Variants in PYGO1 observed in about 807,000 individuals in gnomAD.
PYGO1 encodes pygopus homolog 1.
In PYGO1, 6 loss-of-function variants were observed where a neutral mutation model predicts 29.5. The ratio of observed to expected loss-of-function variants is 0.20; its 90% CI spans 0.11 to 0.40. The LOEUF (loss-of-function observed/expected upper bound fraction) is 0.40, where lower values mean the gene tolerates loss of function less well. Among genes scored for constraint, PYGO1 ranks in the 10% least tolerant of loss-of-function variants. PYGO1 has a pLI of 1.00. For missense variants in PYGO1, 515 were observed against 514.9 expected (o/e 1.00, Z 0.00); for synonymous variants, 186 against 180.5 (o/e 1.03, Z -0.24).
At position 55,546,197 on chromosome 15, in the gene PYGO1, A is replaced by G. The variant is rs2058849118; in HGVS notation, c.1086T>C (p.Ser362=). The stretch of plus-strand genomic sequence containing the variant: ...AGATCCGATGAAACCATTTCTGACA[A>G]GAGGCCTCACATAAGATGGCATCCT... The part of the protein sequence containing the change: ...DDQDAILCEA[S]CQKWFHRICT... Residue 362 remains serine, a synonymous_variant, in exon 3 of 3, where the codon TCT becomes TCC. Transcript: ENST00000563719. The G allele has an allele frequency of 1.9e-6, 3 of 1,614,088 alleles. No individual in the cohort carries two copies. The highest frequency in any genetic ancestry group is 2.5e-6 in the Non-Finnish European group (3 of 1,180,036).
At chr15:55,572,891 A>T (rs1214963728) in intron 1 of PYGO1, among the ~76,000 whole-genome samples, 1 of 151,964 alleles carries the variant, frequency 6.6e-6, no homozygotes, top group Non-Finnish European at 1.5e-5. Context: ...AAATAAATAA[A>T]GCCAGGTGTG....
intron 1 of PYGO1, among the ~76,000 whole-genome samples, chr15:55,559,811 C>A (rs977545132): frequency 6.6e-6 from 1 of 152,152 alleles, no homozygotes; most frequent in Non-Finnish European, 1.5e-5. Context: ...CAAACCAAAT[C>A]CAGCAGCACA....
In PYGO1 at chr15:55,544,458, T is replaced by C. The variant is rs932623777; in HGVS notation, c.*1565A>G. The C allele has an allele frequency of 2.0e-5, 3 of 152,190 alleles. No homozygotes were observed. The highest frequency in any genetic ancestry group is 2.9e-5 in the Non-Finnish European group (2 of 68,036). The allele number at this position is 152,190 out of a possible 1,614,324, so 9.4% of individuals were successfully genotyped here. On this transcript the variant is annotated 3_prime_UTR_variant, in exon 3 of 3. Coordinates refer to ENST00000563719, the MANE Select transcript of PYGO1 (RefSeq NM_001367806.1). ...CTAAAATGGACATGACAAAATTTCA[T>C]AGCCCAAGTCACTTAACTTTGCTTT...
intron 1 of PYGO1, among the ~76,000 whole-genome samples, chr15:55,568,452 G>A (rs2058966758): frequency 6.6e-6 from 1 of 151,438 alleles, no homozygotes; most frequent in Non-Finnish European, 1.5e-5. Context: ...CGTTGATTTT[G>A]TATCTTGAAA....
intron 1 of PYGO1, among the ~76,000 whole-genome samples, chr15:55,559,399 A>G (rs1364630145): frequency 6.6e-6 from 1 of 152,148 alleles, no homozygotes; most frequent in African/African-American, 2.4e-5. Context: ...AAACTAGTTC[A>G]ACCATTGTGG....
chr15:55,579,179 G>A (rs2059015970), intron 1 of PYGO1, among the ~76,000 whole-genome samples: 1 of 152,034 alleles, frequency 6.6e-6, no homozygotes, highest in South Asian at 2.1e-4. Context: ...ATAAAATGAT[G>A]ATTGCAGATT....
chr15:55,588,606 T>C (rs1175930328), upstream of PYGO1, among the ~76,000 whole-genome samples: 2 of 148,952 alleles, frequency 1.3e-5, no homozygotes, highest in African/African-American at 4.9e-5. Context: ...GCAGCCCGGG[T>C]GGGCAGCGCG....
chr15:55,588,134 G>A lies in PYGO1; in HGVS notation c.-251C>T, dbSNP rs1595998812. The A allele has an allele frequency of 4.0e-5, 32 of 801,892 alleles. No homozygotes were observed. In the South Asian group the frequency reaches 4.5e-4, roughly 11 times the overall value. 49.7% of individuals were successfully genotyped at this position (801,892 alleles called of 1,614,324 possible). On this transcript the variant is annotated 5_prime_UTR_variant, in exon 1 of 3. Coordinates refer to ENST00000563719, the MANE Select transcript of PYGO1 (RefSeq NM_001367806.1). ...GCTCAGCGGCGGTGGCCGGGAGCGC[G>A]GCCTGGGGGCGGCCCCCCACCCGGG...
At position 55,541,192 on chromosome 15, in the gene PYGO1, C is replaced by T. The variant is rs559734106; in HGVS notation, c.*4831G>A. 2.6e-4 allele frequency: 40 copies of T among 152,282 alleles called. No individual in the cohort carries two copies. Among genetic ancestry groups the T allele is most frequent in the African/African-American group, 8.9e-4 (37 of 41,554 alleles). The allele number at this position is 152,282 out of a possible 1,614,324, so 9.4% of individuals were successfully genotyped here. Reference sequence around the variant, plus strand: ...ATGGCCACAGTCTTTCCTTCATTTCCCCTATACCACTTGTCTTGGGAGATG... The same window carrying T: ...ATGGCCACAGTCTTTCCTTCATTTCTCCTATACCACTTGTCTTGGGAGATG... On this transcript the variant is annotated 3_prime_UTR_variant, in exon 3 of 3. Coordinates refer to ENST00000563719, the MANE Select transcript of PYGO1 (RefSeq NM_001367806.1).
intron 1 of PYGO1, among the ~76,000 whole-genome samples, chr15:55,578,913 T>A (rs2059014946): frequency 1.3e-5 from 2 of 152,216 alleles, no homozygotes; most frequent in African/African-American, 4.8e-5. Context: ...ACCTCTAAGA[T>A]ACTAGTTGCC....
intron 1 of PYGO1, among the ~76,000 whole-genome samples, chr15:55,568,543 G>T (rs564018562): frequency 3.3e-5 from 5 of 152,220 alleles, no homozygotes; most frequent in African/African-American, 1.2e-4. Context: ...CATATTGTCA[G>T]CAAAGAGAAA....
chr15:55,587,563 G>T (rs1208355042), intron 1 of PYGO1, among the ~76,000 whole-genome samples: 1 of 151,930 alleles, frequency 6.6e-6, no homozygotes, highest in Non-Finnish European at 1.5e-5. Context: ...AGGAGAGGTG[G>T]GTGAGGAGGG....
chr15:55,574,079 G>A (rs904220747), intron 1 of PYGO1, among the ~76,000 whole-genome samples: 4 of 152,114 alleles, frequency 2.6e-5, no homozygotes, highest in African/African-American at 4.8e-5. Flanking sequence ...ATCACTAGTG[G>A]CACTTTATAT....
chr15:55,550,197 T>C (rs1270750451), intron 1 of PYGO1, among the ~76,000 whole-genome samples: 1 of 152,092 alleles, frequency 6.6e-6, no homozygotes, highest in Non-Finnish European at 1.5e-5. Context: ...CTCCATCCTG[T>C]TTTTTCCTTG....
chr15:55,575,897 G>A (rs191184306), intron 1 of PYGO1, among the ~76,000 whole-genome samples: 23 of 152,256 alleles, frequency 1.5e-4, no homozygotes, highest in Non-Finnish European at 3.1e-4. Flanking sequence ...CTCTGAGTTT[G>A]TACAATTTAA....
rs745699185 is a variant in PYGO1 at position 55,546,476 on chromosome 15, A to G, written c.807T>C (p.Ser269=). Residue 269 remains serine (S), a synonymous_variant, in exon 3 of 3, where the codon AGT becomes AGC. Coordinates refer to ENST00000563719, the MANE Select transcript of PYGO1 (RefSeq NM_001367806.1). ...GATTAACATTTTTTAATTCAATATT[A>G]CTCTGATTCACTGTGTCATCCATAT... is the stretch of plus-strand genomic sequence containing the variant. ...HLNMDDTVNQ[S]NIELKNVNRN... is the part of the protein sequence containing the mutation. 5 of 1,613,994 alleles carry G rather than the reference A, an allele frequency of 3.1e-6. No individual in the cohort carries two copies. Among genetic ancestry groups the G allele is most frequent in the Non-Finnish European group, 4.2e-6 (5 of 1,180,000 alleles).
At chr15:55,565,080 G>A (rs1352374978) in intron 1 of PYGO1, among the ~76,000 whole-genome samples, 1 of 152,274 alleles carries the variant, frequency 6.6e-6, no homozygotes, top group Non-Finnish European at 1.5e-5. Context: ...CCATAAAGAA[G>A]CCTTTGCTCT....
At chr15:55,583,738 G>A (rs969141720) in intron 1 of PYGO1, among the ~76,000 whole-genome samples, 9 of 152,014 alleles carry the variant, frequency 5.9e-5, no homozygotes, top group African/African-American at 1.7e-4. Flanking sequence ...AAACTCCTGC[G>A]CTGAAGTGAT....
rs193013165 is a variant in PYGO1, at chr15:55,579,166, C to T, written c.49+8669G>A. Reference sequence around the variant, plus strand: ...ACCAATTTATAATTATTCAGTAGTCCGTATAAAATGATGATTGCAGATTAA... The same window carrying T: ...ACCAATTTATAATTATTCAGTAGTCTGTATAAAATGATGATTGCAGATTAA... On this transcript the variant is annotated intron_variant, in intron 1 of 2. Coordinates refer to ENST00000563719, the MANE Select transcript of PYGO1 (RefSeq NM_001367806.1). Among the ~76,000 whole-genome samples the T allele has an allele frequency of 9.9e-5, 15 of 151,916 alleles. No individual in the cohort carries two copies. In the East Asian group the frequency reaches 1.7e-3, roughly 18 times the overall value.
Sources: gnomAD v4.1 joint callset for allele counts (sites outside exome capture counted in the v4.1 genomes callset) on GRCh38, gnomAD v4.1.1 for gene constraint, MANE v1.5 for transcripts, NCBI Gene and HGNC (gene_info 2026-07-23, HGNC 2026-07-21) for gene names.